The following ILDR1 variants were observed in gnomAD, a reference collection of about 807,000 sequenced individuals.
The protein encoded by ILDR1 is immunoglobulin like domain containing receptor 1, also known as immunoglobulin-like domain-containing receptor 1.
In ILDR1, 56 loss-of-function variants were observed where a neutral mutation model predicts 62.4. That is an observed-to-expected ratio of 0.90 (90% CI 0.72 to 1.12). ILDR1 has a LOEUF of 1.12. Among genes scored for constraint, ILDR1 ranks in the 50% most tolerant of loss-of-function variants. ILDR1 has a pLI of 0.00. For missense variants in ILDR1, 736 were observed against 710.6 expected (o/e 1.04, Z -0.41); for synonymous variants, 284 against 277.8 (o/e 1.02, Z -0.22).
At chr3:122,026,716 C>T (rs936539364), upstream of ILDR1, among the ~76,000 whole-genome samples, 1 of 152,096 alleles carries the variant, frequency 6.6e-6, no homozygotes, top group African/African-American at 2.4e-5. Context: ...ACAAAACAAT[C>T]TGGAGTAAGG....
chr3:122,057,243 C>T, the ILDR1 span, among the ~76,000 whole-genome samples: 1 of 152,044 alleles, frequency 6.6e-6, no homozygotes, highest in Non-Finnish European at 1.5e-5. Flanking sequence ...AGCAATTCAC[C>T]TTTTAGGAAT....
the ILDR1 span, among the ~76,000 whole-genome samples, chr3:122,047,802 C>T: frequency 7.9e-5 from 12 of 152,268 alleles, no homozygotes; most frequent in Non-Finnish European, 1.6e-4. Flanking sequence ...CACTGGCCTG[C>T]GCCCACTGTC....
chr3:122,035,033 T>C, the ILDR1 span, among the ~76,000 whole-genome samples: 1 of 152,020 alleles, frequency 6.6e-6, no homozygotes, highest in African/African-American at 2.4e-5. Context: ...CAAATCCCAC[T>C]AGGAGCTCAA....
chr3:122,014,082 A>G (rs559069843), intron 1 of ILDR1, among the ~76,000 whole-genome samples: 3 of 152,368 alleles, frequency 2.0e-5, no homozygotes, highest in African/African-American at 4.8e-5. Context: ...TGTCTTCTGG[A>G]TAAGTTTTCT....
intron 7 of ILDR1, among the ~76,000 whole-genome samples, 181 bp downstream of exon 7, chr3:121,992,969 G>T (rs61734761): frequency 1.3e-5 from 2 of 152,196 alleles, no homozygotes; most frequent in Non-Finnish European, 2.9e-5. Flanking sequence ...CTCTGCACTC[G>T]CTTGATTTCT....
At chr3:122,055,365 C>A in the ILDR1 span, 1 of 891,454 alleles carries the variant, frequency 1.1e-6, no homozygotes, top group Non-Finnish European at 1.9e-6. Context: ...GGTATACAGT[C>A]ATTGCCGAGG....
At chr3:122,001,018 TCGAAGC>T (rs1428786725) in intron 5 of ILDR1, among the ~76,000 whole-genome samples, 4 of 152,166 alleles carry the variant, frequency 2.6e-5, no homozygotes, top group Non-Finnish European at 4.4e-5. Flanking sequence ...GGAATGAAGA[TCGAAGC>T]ACAGGTACAT....
the ILDR1 span, among the ~76,000 whole-genome samples, chr3:122,031,201 A>T: frequency 6.6e-6 from 1 of 152,230 alleles, no homozygotes; most frequent in African/African-American, 2.4e-5. Flanking sequence ...AATAAGTAAC[A>T]GTCTCTCTAA....
rs376986803 is a variant in ILDR1 at position 121,993,392 on chromosome 3, G to A, written c.1357C>T (p.Arg453Trp). The change falls in exon 7 of 8, where the codon CGG (arginine) becomes TGG (tryptophan). Residue 453 changes from arginine to tryptophan, a missense_variant. Transcript: ENST00000344209. ...CTCCCGTGCCTCTGAGTGCTCTCCC[G>A]GGGGCTGGGCCTGCGGGGCCTCTCC... ...CQERPRRPSP[R>W]ESTQRHGRRR... is the part of the protein sequence containing the mutation. 35 of 1,612,546 alleles carry A rather than the reference G, an allele frequency of 2.2e-5. No individual in the cohort carries two copies. Among genetic ancestry groups the A allele is most frequent in the South Asian group, 1.2e-4 (11 of 91,028 alleles).
At chr3:122,058,768 C>A in the ILDR1 span, among the ~76,000 whole-genome samples, 1 of 151,984 alleles carries the variant, frequency 6.6e-6, no homozygotes, top group African/African-American at 2.4e-5. Context: ...TAAAAAAAAT[C>A]CCTTGGCAGA....
At position 121,993,390 on chromosome 3, in the gene ILDR1, C is replaced by A; in HGVS notation, c.1359G>T (p.Arg453=). 1 of 1,613,178 alleles carries A rather than the reference C, an allele frequency of 6.2e-7. No homozygotes were observed. The highest frequency in any genetic ancestry group is 8.5e-7 in the Non-Finnish European group (1 of 1,179,358). ...GTCTCCCGTGCCTCTGAGTGCTCTC[C>A]CGGGGGCTGGGCCTGCGGGGCCTCT... is the stretch of plus-strand genomic sequence containing the variant. ...CQERPRRPSP[R]ESTQRHGRRR... The change falls in exon 7 of 8, where the codon CGG becomes CGT. Residue 453 remains arginine, a synonymous_variant. Transcript: ENST00000344209.
In ILDR1 at chr3:122,017,339, G is replaced by A. The variant is rs1301971745; in HGVS notation, c.58+4681C>T. 5.9e-5 allele frequency among the ~76,000 whole-genome samples: 9 copies of A among 152,236 alleles called. No homozygotes were observed. The South Asian group carries it at 1.0e-3, about 18-fold the overall frequency. On this transcript the variant is annotated intron_variant, in intron 1 of 7. Transcript: ENST00000344209. ...GTTAGGATTACAGGCGTGAGCCACC[G>A]TGCCCGGCCAGAGTCTTCTCAATTC...
chr3:121,994,407 C>T (rs2071408031), intron 5 of ILDR1, 94 bp from the exon 6 acceptor site: 1 of 1,384,344 alleles, frequency 7.2e-7, no homozygotes, highest in Admixed American at 2.7e-5. Flanking sequence ...TTGCAAGAGG[C>T]CAGCTTCTCT....
In ILDR1 at chr3:122,001,349, C is replaced by A. The variant is rs146174741; in HGVS notation, c.605G>T (p.Arg202Leu). ...GCAGTGGGCAGGACAGCAGGGACAG[C>A]GGATATAGCAGCAGCAATACTGAGG... Reference protein sequence around the residue: ...CCPQYCCCYIRCPCCPAHCCC... With the variant: ...CCPQYCCCYILCPCCPAHCCC... Residue 202 changes from arginine (R) to leucine (L), a missense_variant, in exon 5 of 8, where the codon CGC becomes CTC. Transcript: ENST00000344209. 1.1e-5 allele frequency: 18 copies of A among 1,614,084 alleles called. No homozygotes were observed. Among genetic ancestry groups the A allele is most frequent in the Admixed American group, 1.7e-5 (1 of 60,014 alleles).
intron 5 of ILDR1, among the ~76,000 whole-genome samples, chr3:121,995,352 G>A (rs2071420730): frequency 6.6e-6 from 1 of 152,126 alleles, no homozygotes. Flanking sequence ...TGGGCCCTGT[G>A]GCCACCCCTA....
chr3:122,027,624 T>G, the ILDR1 span, among the ~76,000 whole-genome samples: 1 of 152,174 alleles, frequency 6.6e-6, no homozygotes, highest in Non-Finnish European at 1.5e-5. Flanking sequence ...GAATCTGAAA[T>G]TTTTTCAGAA....
chr3:121,994,335 T>A, intron 5 of ILDR1, 22 bp from the exon 6 acceptor site: 1 of 1,525,690 alleles, frequency 6.6e-7, no homozygotes, highest in Non-Finnish European at 8.8e-7. Context: ...GAAGGAGAAA[T>A]GCAGGCCCTC....
At chr3:122,000,307 G>T (rs563253918) in intron 5 of ILDR1, among the ~76,000 whole-genome samples, 32 of 151,052 alleles carry the variant, frequency 2.1e-4, no homozygotes, top group African/African-American at 7.5e-4. Flanking sequence ...GACCTCTGGA[G>T]AGGGGAGAGT....
Position 122,007,031 on chromosome 3 carries a change from C to G in ILDR1, c.189G>C (p.Lys63Asn). The change falls in exon 2 of 8, where the codon AAG becomes AAC. Residue 63 changes from lysine (K) to asparagine (N), a missense_variant. By Grantham distance (94) the Lys-to-Asn change is moderately conservative. Transcript: ENST00000344209. Reference sequence around the variant, plus strand: ...CAAAGATAGGGTCCTTGCAGAAGGACTTGAAGCGCCATGTCACCACCACGT... The same window carrying G: ...CAAAGATAGGGTCCTTGCAGAAGGAGTTGAAGCGCCATGTCACCACCACGT... Reference protein sequence around the residue: ...LQDVVVTWRFKSFCKDPIFDY... With the variant: ...LQDVVVTWRFNSFCKDPIFDY... The G allele has an allele frequency of 6.2e-7, 1 of 1,613,650 alleles. No individual in the cohort carries two copies. Among genetic ancestry groups the G allele is most frequent in the Non-Finnish European group, 8.5e-7 (1 of 1,180,022 alleles).
Sources: allele counts gnomAD v4.1 joint callset (sites outside exome capture counted in the v4.1 genomes callset), GRCh38; gene constraint gnomAD v4.1.1; transcripts MANE v1.5; gene names NCBI Gene and HGNC (gene_info 2026-07-23, HGNC 2026-07-21).